The following FGF12 variants were observed in gnomAD, a reference collection of about 807,000 sequenced individuals.
FGF12 encodes fibroblast growth factor 12, also known as fibroblast growth factor 12B.
In FGF12, 14 loss-of-function variants were observed where a neutral mutation model predicts 23.6. The ratio of observed to expected loss-of-function variants is 0.59; its 90% CI spans 0.39 to 0.93. The LOEUF (loss-of-function observed/expected upper bound fraction) is 0.93. Among genes scored for constraint, FGF12 ranks in the 40% least tolerant of loss-of-function variants. The pLI is 0.00. For missense variants in FGF12, 175 were observed against 217.8 expected, an observed-to-expected ratio of 0.80 and a Z score of 1.24; for synonymous variants, 62 against 77.3, an observed-to-expected ratio of 0.80 and a Z score of 1.04.
chr3:192,490,943 T>G (rs1723784908), intron 2 of FGF12, among the ~76,000 whole-genome samples: 1 of 150,936 alleles, frequency 6.6e-6, no homozygotes, highest in Non-Finnish European at 1.5e-5. Context: ...TGTTTTCTAA[T>G]CTACGTCATA....
At chr3:192,333,414 C>T (rs575237732) in intron 4 of FGF12, among the ~76,000 whole-genome samples, 1 of 152,030 alleles carries the variant, frequency 6.6e-6, no homozygotes, top group Non-Finnish European at 1.5e-5. Context: ...ATAACATCCT[C>T]TTGCCTTTTT....
At position 192,360,623 on chromosome 3, in the gene FGF12, A is replaced by G; in HGVS notation, c.14-85T>C. The G allele has an allele frequency of 1.1e-6, 1 of 882,696 alleles. No homozygotes were observed. Among genetic ancestry groups the G allele is most frequent in the South Asian group, 1.4e-5 (1 of 72,548 alleles). 54.7% of individuals were successfully genotyped at this position (882,696 alleles called of 1,614,324 possible). On this transcript the variant is annotated intron_variant, in intron 2 of 5. Coordinates refer to ENST00000445105, the MANE Select transcript of FGF12 (RefSeq NM_004113.6). The surrounding 1 kb of genome is among the most constrained non-coding windows in gnomAD (Gnocchi z 4.3). ...ATTGTTAAAAACATCCTGTAAGTAA[A>G]TACGTAAATGCCAATAGCTTAAATA...
chr3:192,348,884 T>C lies in FGF12; in HGVS notation c.124+11544A>G, dbSNP rs118110660. Among the ~76,000 whole-genome samples, 43 of 152,278 alleles carry C rather than the reference T, an allele frequency of 2.8e-4. No homozygotes were observed. In the East Asian group the frequency reaches 7.5e-3, roughly 27 times the overall value. On this transcript the variant is annotated intron_variant, in intron 3 of 5. Coordinates refer to ENST00000445105, the MANE Select transcript of FGF12 (RefSeq NM_004113.6). ...AGGGTTATCACAAGACTTAACTGAG[T>C]ACAATTTTGAAAATTTTCATAGCTG...
intron 2 of FGF12, among the ~76,000 whole-genome samples, chr3:192,631,353 C>T (rs139400806): frequency 6.6e-6 from 1 of 152,304 alleles, no homozygotes; most frequent in Non-Finnish European, 1.5e-5. Flanking sequence ...GACATCTAGC[C>T]CAACTACTGG....
At chr3:192,423,204 C>T (rs1055343590) in intron 2 of FGF12, among the ~76,000 whole-genome samples, 3 of 152,026 alleles carry the variant, frequency 2.0e-5, no homozygotes, top group Admixed American at 2.0e-4. Flanking sequence ...TAGAGAGCCC[C>T]CTGTTGCATA....
At chr3:192,604,145 C>T (rs577059384) in intron 2 of FGF12, among the ~76,000 whole-genome samples, 7 of 152,216 alleles carry the variant, frequency 4.6e-5, no homozygotes, top group East Asian at 1.9e-4. Context: ...TTTGCATGCA[C>T]GTGCAGGCTG....
At chr3:192,374,394 T>C (rs990175880) in intron 2 of FGF12, among the ~76,000 whole-genome samples, 3 of 152,216 alleles carry the variant, frequency 2.0e-5, no homozygotes, top group African/African-American at 4.8e-5. Context: ...AACTCTGATA[T>C]TGAGGCTCTG....
intron 2 of FGF12, among the ~76,000 whole-genome samples, chr3:192,380,820 A>G (rs554295280): frequency 6.6e-6 from 1 of 152,226 alleles, no homozygotes; most frequent in South Asian, 2.1e-4. Context: ...TCCAACAGTA[A>G]TATAATGCAA....
intron 2 of FGF12, among the ~76,000 whole-genome samples, chr3:192,658,685 T>G (rs959894043): frequency 1.3e-5 from 2 of 152,024 alleles, no homozygotes; most frequent in Non-Finnish European, 2.9e-5. Flanking sequence ...GAAAATAATT[T>G]ATTTGTCCAG....
At chr3:192,675,724 G>C (rs931094945) in intron 2 of FGF12, among the ~76,000 whole-genome samples, 4 of 152,200 alleles carry the variant, frequency 2.6e-5, no homozygotes, top group African/African-American at 9.6e-5. Flanking sequence ...GATTCTTAAA[G>C]ATAGGAAACA....
chr3:192,387,962 T>C (rs1222646413), intron 2 of FGF12, among the ~76,000 whole-genome samples: 2 of 152,154 alleles, frequency 1.3e-5, no homozygotes, highest in African/African-American at 4.8e-5. Flanking sequence ...TTATTTTATA[T>C]AATTGAACAT....
At chr3:192,521,796 C>T (rs979601996) in intron 2 of FGF12, among the ~76,000 whole-genome samples, 3 of 152,156 alleles carry the variant, frequency 2.0e-5, no homozygotes, top group Non-Finnish European at 2.9e-5. Flanking sequence ...ATTCAGCTTG[C>T]ACATGTATAT....
intron 4 of FGF12, chr3:192,265,287 A>G (rs1240794267): frequency 6.6e-6 from 1 of 152,154 alleles, no homozygotes; most frequent in East Asian, 1.9e-4. Flanking sequence ...CCGATGTTAT[A>G]TTCCTCCGTG....
chr3:192,711,423 G>C (rs1054294401), intron 2 of FGF12, among the ~76,000 whole-genome samples: 1 of 150,246 alleles, frequency 6.7e-6, no homozygotes, highest in African/African-American at 2.4e-5. Context: ...CCCTCTGCCC[G>C]GCCGCCACCC....
chr3:192,379,630 C>G (rs961434439), intron 2 of FGF12, among the ~76,000 whole-genome samples: 1 of 152,190 alleles, frequency 6.6e-6, no homozygotes, highest in African/African-American at 2.4e-5. Flanking sequence ...CGTGCACACA[C>G]GCAATGCATT....
At chr3:192,457,212 CAGTGTGAA>C (rs752170783) in intron 2 of FGF12, among the ~76,000 whole-genome samples, 13 of 152,164 alleles carry the variant, frequency 8.5e-5, no homozygotes, top group Non-Finnish European at 1.5e-4. Flanking sequence ...TCTTTATCAG[CAGTGTGAA>C]AATGTGCTAA....
chr3:192,664,655 A>T (rs1372509270), intron 2 of FGF12, among the ~76,000 whole-genome samples: 2 of 149,962 alleles, frequency 1.3e-5, no homozygotes, highest in African/African-American at 4.9e-5. Context: ...AATCTCAGCT[A>T]CTCAGGAGGT....
chr3:192,668,657 T>A (rs1350837268), intron 2 of FGF12, among the ~76,000 whole-genome samples: 1 of 152,176 alleles, frequency 6.6e-6, no homozygotes, highest in African/African-American at 2.4e-5. Context: ...GATGCTATCA[T>A]GAGACCTGGT....
intron 4 of FGF12, among the ~76,000 whole-genome samples, chr3:192,213,285 T>C (rs1489119554): frequency 2.0e-5 from 3 of 152,190 alleles, no homozygotes; most frequent in Non-Finnish European, 4.4e-5. Flanking sequence ...TTTTTCCCTT[T>C]TTTTTGGAAG....
Sources: gnomAD v4.1 joint callset for allele counts (sites outside exome capture counted in the v4.1 genomes callset) on GRCh38, gnomAD v4.1.1 for gene constraint, Gnocchi (gnomAD v3.1) non-coding constraint, MANE v1.5 for transcripts, NCBI Gene and HGNC (gene_info 2026-07-23, HGNC 2026-07-21) for gene names.